ZHX2: variants seen among roughly 807,000 people sequenced by gnomAD.
ZHX2 encodes zinc fingers and homeoboxes protein 2.
ZHX2 carries 6 observed loss-of-function variants against 21.9 expected under a neutral mutation model. That is an observed-to-expected ratio of 0.27 (90% confidence interval 0.15 to 0.54). ZHX2 has a LOEUF of 0.54. Among genes scored for constraint, ZHX2 ranks in the 20% least tolerant of loss-of-function variants. The probability of loss-of-function intolerance (pLI) is 0.95; values close to 1 mark genes in which losing one functional copy is unlikely to be tolerated. For missense variants in ZHX2, 908 were observed against 1,090.7 expected (o/e 0.83, Z 2.36); for synonymous variants, 434 against 437.1 (o/e 0.99, Z 0.09).
Position 122,952,606 on chromosome 8 carries a change from C to T in ZHX2, c.1096C>T (p.Leu366=), listed in dbSNP as rs375286966. 2.8e-5 allele frequency: 46 copies of T among 1,614,070 alleles called. No homozygotes were observed. In the Middle Eastern group the frequency reaches 3.5e-3, roughly 121 times the overall value. Residue 366 remains leucine (L), a synonymous_variant, in exon 3 of 4, where the codon CTA becomes TTA. Transcript: ENST00000314393. This position sits in a 1 kb window ranked among gnomAD's most constrained non-coding sequence, Gnocchi z 6.9. ...GACGCAGCCCATCCTCCAGACGGCT[C>T]TACCGTGCCAGATCCTCGGCCAGAC... ...KVTQPILQTA[L]PCQILGQTSL...
chr8:122,845,127 A>C (rs766728036), intron 1 of ZHX2, among the ~76,000 whole-genome samples: 5 of 152,210 alleles, frequency 3.3e-5, no homozygotes, highest in Non-Finnish European at 1.5e-5. Flanking sequence ...TCTCACCAGC[A>C]CTGTGACCTT....
chr8:122,875,873 G>C (rs1290959176), intron 2 of ZHX2, among the ~76,000 whole-genome samples: 1 of 152,172 alleles, frequency 6.6e-6, no homozygotes, highest in African/African-American at 2.4e-5. Context: ...GCCTTCCCTT[G>C]TTTTCTTCCC....
chr8:122,934,394 C>T (rs1812621095), intron 2 of ZHX2, among the ~76,000 whole-genome samples: 1 of 152,194 alleles, frequency 6.6e-6, no homozygotes, highest in Non-Finnish European at 1.5e-5. Flanking sequence ...ACTCACCTGC[C>T]CAGGCAGGCC....
chr8:122,853,604 C>T (rs577570558), intron 1 of ZHX2, among the ~76,000 whole-genome samples: 166 of 152,296 alleles, frequency 1.1e-3, no homozygotes, highest in Admixed American at 3.7e-3. Flanking sequence ...CCAGGCTGCT[C>T]CTTTCAGCCG....
chr8:122,953,236 T>C lies in ZHX2; in HGVS notation c.1726T>C (p.Trp576Arg). The C allele has an allele frequency of 1.2e-6, 2 of 1,613,954 alleles. No individual in the cohort carries two copies. Among genetic ancestry groups the C allele is most frequent in the Non-Finnish European group, 1.7e-6 (2 of 1,179,976 alleles). Reference sequence around the variant, plus strand: ...GCTGAGCAGGAGAGAGATCGACTCCTGGTTCTCGGAGAGGCGGAAGCTTCG... The same window carrying C: ...GCTGAGCAGGAGAGAGATCGACTCCCGGTTCTCGGAGAGGCGGAAGCTTCG... ...TKLSRREIDS[W>R]FSERRKLRDS... The change falls in exon 3 of 4, where the codon TGG becomes CGG. Residue 576 changes from tryptophan (W) to arginine (R), a missense_variant. Physicochemically the swap from Trp to Arg is moderately radical, Grantham distance 101. Transcript: ENST00000314393. The surrounding 1 kb of genome is among the most constrained non-coding windows in gnomAD (Gnocchi z 4.6).
intron 2 of ZHX2, among the ~76,000 whole-genome samples, chr8:122,913,475 A>G (rs1820528252): frequency 6.6e-6 from 1 of 152,146 alleles, no homozygotes; most frequent in Non-Finnish European, 1.5e-5. Flanking sequence ...GAACCTAGCC[A>G]TGTTTGGAAG....
chr8:122,883,825 ACAC>A (rs558893794), intron 2 of ZHX2, among the ~76,000 whole-genome samples: 234 of 152,358 alleles, frequency 1.5e-3, no homozygotes, highest in Non-Finnish European at 1.6e-3. Context: ...GAAAGTTGTA[ACAC>A]CAGGTGTGGA....
chr8:122,843,959 T>TCA (rs3221811), intron 1 of ZHX2, among the ~76,000 whole-genome samples: 2,146 of 148,878 alleles, frequency 0.014, 14 homozygotes, highest in African/African-American at 0.029. Context: ...TTCTCACCCT[T>TCA]CACACACACA....
At chr8:122,794,701 C>G (rs1016429029) in intron 1 of ZHX2, among the ~76,000 whole-genome samples, 1 of 152,140 alleles carries the variant, frequency 6.6e-6, no homozygotes, top group African/African-American at 2.4e-5. Flanking sequence ...ACCCACCAGG[C>G]ATGTTTTGCT....
intron 1 of ZHX2, among the ~76,000 whole-genome samples, chr8:122,838,538 G>A (rs1426705199): frequency 2.0e-5 from 3 of 150,344 alleles, no homozygotes; most frequent in African/African-American, 4.9e-5. Flanking sequence ...GAAACCTTTC[G>A]ATCATATATG....
At chr8:122,961,224 T>C (rs1813434323) in intron 3 of ZHX2, among the ~76,000 whole-genome samples, 1 of 152,200 alleles carries the variant, frequency 6.6e-6, no homozygotes, top group Non-Finnish European at 1.5e-5. Context: ...TAGTCTTTGC[T>C]CTGTGTGTTC....
intron 2 of ZHX2, among the ~76,000 whole-genome samples, chr8:122,866,240 G>T (rs1438069633): frequency 1.3e-5 from 2 of 152,218 alleles, no homozygotes; most frequent in Non-Finnish European, 2.9e-5. Context: ...TCCTTCCCCA[G>T]TGAGGTCTGG....
chr8:122,807,927 A>G (rs1477353086), intron 1 of ZHX2: 1 of 152,182 alleles, frequency 6.6e-6, no homozygotes, highest in African/African-American at 2.4e-5. Flanking sequence ...GTGAGATCTC[A>G]GCTTTACCCC....
Position 122,838,794 on chromosome 8 carries a change from C to G in ZHX2, c.-282-24683C>G, listed in dbSNP as rs189109731. ...GGTTTCACCTGTTGGCCAGGCTGGT[C>G]TGGAACTCCTGACCGCATGATCTGC... On this transcript the variant is annotated intron_variant, in intron 1 of 3. Coordinates refer to ENST00000314393, the MANE Select transcript of ZHX2 (RefSeq NM_014943.5). 1.5e-3 allele frequency among the ~76,000 whole-genome samples: 233 copies of G among 152,108 alleles called. 2 individuals carry two copies. Among genetic ancestry groups the G allele is most frequent in the African/African-American group, 4.4e-3 (181 of 41,496 alleles).
At chr8:122,910,041 C>A (rs16897627) in intron 2 of ZHX2, among the ~76,000 whole-genome samples, 1 of 151,924 alleles carries the variant, frequency 6.6e-6, no homozygotes, top group African/African-American at 2.4e-5. Context: ...TCTACTCAGA[C>A]ATCCTCCTTC....
intron 2 of ZHX2, among the ~76,000 whole-genome samples, chr8:122,926,659 G>A (rs547317379): frequency 3.9e-5 from 6 of 152,274 alleles, no homozygotes; most frequent in South Asian, 2.1e-4. Flanking sequence ...AACTCCTTAC[G>A]AGGCATAGGC....
chr8:122,953,066 G>T lies in ZHX2; in HGVS notation c.1556G>T (p.Gly519Val), dbSNP rs1204479952. ...DQLAIAASRH[G>V]RTYHAYPDFA... The stretch of plus-strand genomic sequence containing the variant: ...TTGGCCATCGCGGCCTCCCGACACG[G>T]TCGCACGTATCATGCGTACCCAGAC... The change falls in exon 3 of 4, where the codon GGT becomes GTT. Residue 519 changes from glycine (G) to valine (V), a missense_variant. By Grantham distance (109) the Gly-to-Val change is moderately radical. Around this residue, in one of 4 missense-constraint regions of ZHX2, gnomAD observed 431 missense variants for 428.6 expected, o/e 1.01. Transcript: ENST00000314393. This position sits in a 1 kb window ranked among gnomAD's most constrained non-coding sequence, Gnocchi z 4.6. The T allele has an allele frequency of 6.2e-7, 1 of 1,614,006 alleles. No individual in the cohort carries two copies. The highest frequency in any genetic ancestry group is 1.7e-5 in the Admixed American group (1 of 60,014).
intron 2 of ZHX2, among the ~76,000 whole-genome samples, chr8:122,870,188 C>T (rs1222989047): frequency 1.3e-5 from 2 of 152,116 alleles, no homozygotes; most frequent in African/African-American, 4.8e-5. Flanking sequence ...TGGGGGAGCA[C>T]ATGGCAATTG....
intron 3 of ZHX2, among the ~76,000 whole-genome samples, chr8:122,965,925 G>C (rs1254520011): frequency 1.3e-5 from 2 of 152,058 alleles, no homozygotes; most frequent in East Asian, 3.8e-4. Context: ...TTTTTTAACT[G>C]TTGTTGCTTT....
Sources: allele counts gnomAD v4.1 joint callset (sites outside exome capture counted in the v4.1 genomes callset), GRCh38; gene constraint gnomAD v4.1.1; regional missense constraint gnomAD v4.1.1; non-coding constraint Gnocchi (gnomAD v3.1); transcripts MANE v1.5; gene names NCBI Gene and HGNC (gene_info 2026-07-23, HGNC 2026-07-21).